The following RAI14 variants were observed in gnomAD, a reference collection of about 807,000 sequenced individuals.
RAI14 encodes retinoic acid induced 14, also known as ankycorbin.
In RAI14, 45 loss-of-function variants were observed where a neutral mutation model predicts 115.4. The ratio of observed to expected loss-of-function variants is 0.39; its 90% CI spans 0.31 to 0.50. RAI14 has a LOEUF of 0.50. RAI14 is among the 20% of genes least tolerant of loss of function. RAI14 has a pLI of 0.85. For synonymous variants in RAI14, 371 were observed against 415.4 expected, an observed-to-expected ratio of 0.89 and a Z score of 1.30; for missense variants, 939 against 1,131.2, an observed-to-expected ratio of 0.83 and a Z score of 2.44.
At chr5:34,753,691 A>G (rs1239998896) in intron 2 of RAI14, among the ~76,000 whole-genome samples, 10 of 152,252 alleles carry the variant, frequency 6.6e-5, no homozygotes, top group South Asian at 2.1e-4. Flanking sequence ...CACGGTGGGC[A>G]GATCACGAGG....
chr5:34,662,505 A>T (rs1409657914), intron 1 of RAI14, among the ~76,000 whole-genome samples: 1 of 152,114 alleles, frequency 6.6e-6, no homozygotes, highest in East Asian at 1.9e-4. Context: ...TTTTTTTCCC[A>T]GTGAACTATA....
intron 1 of RAI14, among the ~76,000 whole-genome samples, chr5:34,669,301 T>A (rs1048637278): frequency 6.6e-6 from 1 of 152,226 alleles, no homozygotes; most frequent in Non-Finnish European, 1.5e-5. Context: ...GTGATACCTA[T>A]CTCAAGCCTG....
intron 1 of RAI14, among the ~76,000 whole-genome samples, chr5:34,680,401 G>A (rs113627095): frequency 1.2e-4 from 19 of 152,288 alleles, no homozygotes; most frequent in African/African-American, 4.6e-4. Context: ...AGCAAGCCTA[G>A]CTCACTTTTA....
rs1425891040 is a variant in RAI14, at chr5:34,791,916, G to A, written c.168-4023G>A. On this transcript the variant is annotated intron_variant, in intron 3 of 17. Transcript: ENST00000265109. The surrounding 1 kb of genome is among the most constrained non-coding windows in gnomAD (Gnocchi z 5.4). ...AGGAGATGATGCCCTGAACCCCATC[G>A]TCATTCTCACTGGGCAAGCCCAACC... Among the ~76,000 whole-genome samples, 1 of 152,188 alleles carries A rather than the reference G, an allele frequency of 6.6e-6. No individual in the cohort carries two copies. The highest frequency in any genetic ancestry group is 2.4e-5 in the African/African-American group (1 of 41,444).
chr5:34,713,489 G>GA (rs1196847841), intron 2 of RAI14, among the ~76,000 whole-genome samples: 24 of 149,982 alleles, frequency 1.6e-4, no homozygotes, highest in African/African-American at 2.2e-4. Context: ...GGAGTTATTA[G>GA]AAAAAAAAAC....
At chr5:34,803,682 A>C in intron 4 of RAI14, 30 bp from the exon 5 acceptor site, 2 of 1,557,710 alleles carry the variant, frequency 1.3e-6, no homozygotes, top group Non-Finnish European at 1.7e-6. Context: ...CCTTTTTAAA[A>C]AAAATTATTA....
At chr5:34,816,308 C>T (rs949998603) in intron 12 of RAI14, among the ~76,000 whole-genome samples, 4 of 152,016 alleles carry the variant, frequency 2.6e-5, no homozygotes, top group Non-Finnish European at 5.9e-5. Flanking sequence ...TAAGAACTTA[C>T]TAGATAAGCA....
intron 1 of RAI14, among the ~76,000 whole-genome samples, chr5:34,667,786 G>A (rs1319404305): frequency 1.3e-5 from 2 of 152,110 alleles, no homozygotes; most frequent in Admixed American, 1.3e-4. Context: ...GCAGCACGAA[G>A]GTCAGAAAAG....
chr5:34,772,870 C>G (rs1750354591), intron 3 of RAI14, among the ~76,000 whole-genome samples: 1 of 152,162 alleles, frequency 6.6e-6, no homozygotes, highest in African/African-American at 2.4e-5. Flanking sequence ...GCACTGAAAC[C>G]TTGGAATCTT....
chr5:34,809,174 G>T (rs1048778276), intron 7 of RAI14, among the ~76,000 whole-genome samples: 1 of 152,164 alleles, frequency 6.6e-6, no homozygotes, highest in Non-Finnish European at 1.5e-5. Flanking sequence ...CACCAGTGGC[G>T]TTTGGGGATA....
Position 34,823,694 on chromosome 5 carries a change from C to A in RAI14, c.1852C>A (p.Gln618Lys). ...GAAATTAAAAGACACACTAAAAAGT[C>A]AGATGACACAGGAAGCCAGTGATGA... ...IMKLKDTLKS[Q>K]MTQEASDEAE... is the part of the protein sequence containing the mutation. The change falls in exon 15 of 18, where the codon CAG becomes AAG. Residue 618 changes from glutamine (Q) to lysine (K), a missense_variant. By Grantham distance (53) the Gln-to-Lys change is moderately conservative. Coordinates refer to ENST00000265109, the MANE Select transcript of RAI14 (RefSeq NM_015577.3). The surrounding 1 kb of genome is among the most constrained non-coding windows in gnomAD (Gnocchi z 4.5). 6.2e-7 allele frequency: 1 copy of A among 1,614,076 alleles called. No individual in the cohort carries two copies. Among genetic ancestry groups the A allele is most frequent in the South Asian group, 1.1e-5 (1 of 91,054 alleles).
At chr5:34,746,262 T>C (rs1161627978) in intron 2 of RAI14, among the ~76,000 whole-genome samples, 65 of 149,294 alleles carry the variant, frequency 4.4e-4, no homozygotes, top group African/African-American at 1.4e-3. Context: ...CCTGCCACCA[T>C]GCCCGGCTAA....
chr5:34,781,489 A>C (rs1348475180), intron 3 of RAI14, among the ~76,000 whole-genome samples: 1 of 152,222 alleles, frequency 6.6e-6, no homozygotes, highest in Non-Finnish European at 1.5e-5. Flanking sequence ...AATTAACCAA[A>C]AGAACTACCT....
intron 2 of RAI14, among the ~76,000 whole-genome samples, chr5:34,722,369 C>T (rs1471465994): frequency 6.6e-6 from 1 of 151,596 alleles, no homozygotes; most frequent in African/African-American, 2.4e-5. Context: ...GAGCAGCTGT[C>T]TGCAAGCCAA....
intron 1 of RAI14, among the ~76,000 whole-genome samples, chr5:34,664,054 AT>A (rs1422357178): frequency 6.6e-6 from 1 of 152,198 alleles, no homozygotes; most frequent in African/African-American, 2.4e-5. Context: ...GAAGTTCTTC[AT>A]GATTTGCTAA....
intron 2 of RAI14, among the ~76,000 whole-genome samples, chr5:34,739,557 TAA>T (rs1745246556): frequency 6.6e-6 from 1 of 152,152 alleles, no homozygotes; most frequent in South Asian, 2.1e-4. Context: ...AATGGAGACA[TAA>T]AAAGGATATT....
At chr5:34,806,926 G>A (rs1754974690) in intron 5 of RAI14, among the ~76,000 whole-genome samples, 1 of 152,192 alleles carries the variant, frequency 6.6e-6, no homozygotes, top group African/African-American at 2.4e-5. Context: ...ACTGCGACTT[G>A]AGCAAATTAT....
At chr5:34,752,807 G>A (rs1027106631) in intron 2 of RAI14, among the ~76,000 whole-genome samples, 5 of 142,724 alleles carry the variant, frequency 3.5e-5, no homozygotes, top group Admixed American at 1.4e-4. Flanking sequence ...TTGGGTTGTC[G>A]CCCAGGTTGG....
chr5:34,722,881 C>A (rs752864498), intron 2 of RAI14, among the ~76,000 whole-genome samples: 1 of 151,706 alleles, frequency 6.6e-6, no homozygotes, highest in Non-Finnish European at 1.5e-5. Flanking sequence ...ACCAGCCTGA[C>A]CAACATGGTG....
Sources: gnomAD v4.1 joint callset for allele counts (sites outside exome capture counted in the v4.1 genomes callset) on GRCh38, gnomAD v4.1.1 for gene constraint, Gnocchi (gnomAD v3.1) non-coding constraint, MANE v1.5 for transcripts, NCBI Gene and HGNC (gene_info 2026-07-23, HGNC 2026-07-21) for gene names.